Variants in DLGAP1 observed in about 807,000 individuals in gnomAD.
DLGAP1 encodes DLG associated protein 1.
In DLGAP1, 11 loss-of-function variants were observed where a neutral mutation model predicts 90.8. The observed-to-expected ratio is 0.12, with a 90% confidence interval of 0.08 to 0.20. The LOEUF (loss-of-function observed/expected upper bound fraction) is 0.20, where lower values mean the gene tolerates loss of function less well. Ranked by LOEUF, DLGAP1 falls within the 10% of genes least tolerant of loss-of-function variation. The pLI is 1.00. For synonymous variants in DLGAP1, 558 were observed against 540.7 expected, an observed-to-expected ratio of 1.03 and a Z score of -0.44; for missense variants, 1,050 against 1,333.8, an observed-to-expected ratio of 0.79 and a Z score of 3.31.
intron 1 of DLGAP1, among the ~76,000 whole-genome samples, chr18:4,221,975 T>C (rs1444641328): frequency 6.6e-6 from 1 of 152,188 alleles, no homozygotes; most frequent in Non-Finnish European, 1.5e-5. Flanking sequence ...CGAATATTCC[T>C]GATTTTTTCC....
At chr18:4,402,536 G>A (rs2082577049) in intron 1 of DLGAP1, among the ~76,000 whole-genome samples, 2 of 152,160 alleles carry the variant, frequency 1.3e-5, no homozygotes, top group South Asian at 2.1e-4. Context: ...TTACAGATGA[G>A]AACGATTCAG....
At chr18:4,080,147 G>C (rs1475861500) in intron 2 of DLGAP1, among the ~76,000 whole-genome samples, 1 of 152,172 alleles carries the variant, frequency 6.6e-6, no homozygotes, top group Non-Finnish European at 1.5e-5. Context: ...AACAGATTCA[G>C]AGTTCTTTAT....
intron 3 of DLGAP1, among the ~76,000 whole-genome samples, chr18:3,974,395 C>T (rs2073525953): frequency 6.6e-6 from 1 of 152,226 alleles, no homozygotes; most frequent in African/African-American, 2.4e-5. Flanking sequence ...GCATGTGTGA[C>T]TGTATTAAGA....
At chr18:4,245,467 T>A (rs1264776479) in intron 1 of DLGAP1, among the ~76,000 whole-genome samples, 2 of 152,240 alleles carry the variant, frequency 1.3e-5, no homozygotes, top group Non-Finnish European at 2.9e-5. Flanking sequence ...CTTGCTGTTT[T>A]AGCAGCTCTA....
chr18:4,211,388 C>T (rs1293741825), intron 1 of DLGAP1, among the ~76,000 whole-genome samples: 1 of 152,088 alleles, frequency 6.6e-6, no homozygotes, highest in African/African-American at 2.4e-5. Context: ...TGTATGAACT[C>T]TTTTCATTAG....
In DLGAP1 at chr18:3,834,853, T is replaced by G. The variant is rs1243336934; in HGVS notation, c.958-20580A>C. 2.0e-5 allele frequency among the ~76,000 whole-genome samples: 3 copies of G among 152,214 alleles called. No homozygotes were observed. In the East Asian group the frequency reaches 5.8e-4, roughly 29 times the overall value. On this transcript the variant is annotated intron_variant, in intron 4 of 12. Transcript: ENST00000315677. ...ACCCCAAATGTACGACCACTGGAGA[T>G]CTGCATTTTAGAATTTGTGTTGTCT...
intron 9 of DLGAP1, among the ~76,000 whole-genome samples, chr18:3,551,722 C>CCCTCCCTTCCTACCTT (rs2053473560): frequency 8.0e-5 from 1 of 12,534 alleles, no homozygotes; most frequent in African/African-American, 3.9e-4. Context: ...CTCCCTCCCT[C>CCCTCCCTTCCTACCTT]CCTTCCTTCC....
intron 3 of DLGAP1, among the ~76,000 whole-genome samples, chr18:3,965,940 CAAAAAAA>C (rs544643910): frequency 9.9e-6 from 1 of 100,576 alleles, no homozygotes; most frequent in Non-Finnish European, 1.9e-5. Context: ...GACTCCATGT[CAAAAAAA>C]AAAAAAAAAA....
chr18:4,352,851 T>TAA (rs1430537282), intron 1 of DLGAP1, among the ~76,000 whole-genome samples: 8 of 152,200 alleles, frequency 5.3e-5, no homozygotes, highest in African/African-American at 1.9e-4. Flanking sequence ...GAATCCCCGT[T>TAA]ACTTTTGTAA....
At chr18:3,793,830 C>A (rs1036849369) in intron 5 of DLGAP1, among the ~76,000 whole-genome samples, 2 of 152,162 alleles carry the variant, frequency 1.3e-5, no homozygotes, top group Non-Finnish European at 2.9e-5. Flanking sequence ...TGTGGCCTTT[C>A]GTAATCACTT....
chr18:3,579,186 T>A (rs1319994870), intron 8 of DLGAP1, among the ~76,000 whole-genome samples: 1 of 152,214 alleles, frequency 6.6e-6, no homozygotes, highest in Non-Finnish European at 1.5e-5. Context: ...TTAGTGCCAC[T>A]GAACTGTAGG....
chr18:4,165,928 G>A (rs1353129736), intron 1 of DLGAP1, among the ~76,000 whole-genome samples: 1 of 152,110 alleles, frequency 6.6e-6, no homozygotes, highest in African/African-American at 2.4e-5. Flanking sequence ...AGGCTAAGGT[G>A]AGAGGATGGC....
intron 1 of DLGAP1, among the ~76,000 whole-genome samples, chr18:4,381,765 A>G (rs2144321434): frequency 6.6e-6 from 1 of 151,710 alleles, no homozygotes; most frequent in South Asian, 2.1e-4. Flanking sequence ...CTCTCTTTCC[A>G]CTCTAAGGTT....
chr18:3,523,127 C>G (rs1418879885), intron 10 of DLGAP1, among the ~76,000 whole-genome samples: 1 of 152,110 alleles, frequency 6.6e-6, no homozygotes, highest in African/African-American at 2.4e-5. Flanking sequence ...AATCCCAGCA[C>G]TTTGGGACGC....
rs561550134 is a variant in DLGAP1 at position 3,782,551 on chromosome 18, A to G, written c.1172+31508T>C. Among the ~76,000 whole-genome samples the G allele has an allele frequency of 1.8e-4, 27 of 152,348 alleles. No homozygotes were observed. The South Asian group carries it at 5.0e-3, about 28-fold the overall frequency. On this transcript the variant is annotated intron_variant, in intron 5 of 12. Coordinates refer to ENST00000315677, the MANE Select transcript of DLGAP1 (RefSeq NM_004746.4). ...ATCAGAAGAACTCAAGGGAGACGCC[A>G]AATCCCTTTAGAATGGCCCAAGTTT...
At chr18:3,870,180 T>A (rs1397216007) in intron 4 of DLGAP1, among the ~76,000 whole-genome samples, 1 of 152,204 alleles carries the variant, frequency 6.6e-6, no homozygotes, top group Non-Finnish European at 1.5e-5. Context: ...GAAATCGGAA[T>A]CTCTTGGGTG....
At chr18:3,637,887 A>G (rs1277101338) in intron 7 of DLGAP1, among the ~76,000 whole-genome samples, 1 of 150,944 alleles carries the variant, frequency 6.6e-6, no homozygotes, top group Non-Finnish European at 1.5e-5. Flanking sequence ...TGTATTTTCA[A>G]TTCATAACTC....
At chr18:4,437,773 T>C (rs2083437505) in intron 1 of DLGAP1, among the ~76,000 whole-genome samples, 1 of 150,178 alleles carries the variant, frequency 6.7e-6, no homozygotes, top group Non-Finnish European at 1.5e-5. Flanking sequence ...TTCTACTTGC[T>C]TCTTATAATC....
At chr18:4,355,178 AT>A (rs1330879826) in intron 1 of DLGAP1, among the ~76,000 whole-genome samples, 1 of 152,200 alleles carries the variant, frequency 6.6e-6, no homozygotes, top group African/African-American at 2.4e-5. Context: ...CTGTACACAA[AT>A]GTTCATGGCA....
Sources: gnomAD v4.1 joint callset for allele counts (sites outside exome capture counted in the v4.1 genomes callset) on GRCh38, gnomAD v4.1.1 for gene constraint, MANE v1.5 for transcripts, NCBI Gene and HGNC (gene_info 2026-07-23, HGNC 2026-07-21) for gene names.